The following FBXO38 variants were observed in gnomAD, a reference collection of about 807,000 sequenced individuals.
FBXO38 encodes the protein F-box only protein 38.
A neutral mutation model predicts 131.9 loss-of-function variants in FBXO38; 53 were observed. The ratio of observed to expected loss-of-function variants is 0.40; its 90% CI spans 0.32 to 0.51. FBXO38 has a LOEUF of 0.51. Among genes scored for constraint, FBXO38 ranks in the 20% least tolerant of loss-of-function variants. The pLI, the probability that FBXO38 is intolerant of heterozygous loss-of-function variation, is 0.53. For missense variants in FBXO38, 1,076 were observed against 1,475.6 expected (o/e 0.73, Z 4.44); for synonymous variants, 452 against 505.6 (o/e 0.89, Z 1.42).
chr5:148,406,500 T>C, intron 7 of FBXO38, 106 bp downstream of exon 7: 1 of 851,810 alleles, frequency 1.2e-6, no homozygotes, highest in Non-Finnish European at 1.7e-6. Flanking sequence ...AAAATGCTCG[T>C]CAGTAACTGC....
At chr5:148,402,168 T>G (rs1214180734) in intron 4 of FBXO38, 23 bp downstream of exon 4, 6 of 1,594,538 alleles carry the variant, frequency 3.8e-6, no homozygotes, top group African/African-American at 1.3e-5. Flanking sequence ...GGTTGAACAT[T>G]TTGGCATCAA....
At chr5:148,399,686 G>T (rs1263222038) in intron 3 of FBXO38, 1 of 152,150 alleles carries the variant, frequency 6.6e-6, no homozygotes, top group East Asian at 1.9e-4. Context: ...ATTGTTCCCA[G>T]TTGAAGAGAC....
chr5:148,415,770 A>G (rs1303096784), intron 10 of FBXO38, among the ~76,000 whole-genome samples, 158 bp from the exon 11 acceptor site: 2 of 152,190 alleles, frequency 1.3e-5, no homozygotes, highest in African/African-American at 4.8e-5. Context: ...GTATGTAAAC[A>G]TCATAATTTA....
At chr5:148,423,838 C>A in intron 12 of FBXO38, 160 bp from the exon 13 acceptor site, 1 of 544,090 alleles carries the variant, frequency 1.8e-6, no homozygotes, top group South Asian at 2.4e-5. Context: ...TTCTTAATAT[C>A]TGCAGTAACA....
intron 12 of FBXO38, 89 bp downstream of exon 12, chr5:148,417,293 T>G: frequency 1.1e-6 from 1 of 929,724 alleles, no homozygotes; most frequent in South Asian, 1.4e-5. Flanking sequence ...TTTTCCCCTG[T>G]TTCAACTTGT....
chr5:148,422,359 T>G (rs1385073562), intron 12 of FBXO38, among the ~76,000 whole-genome samples: 2 of 152,144 alleles, frequency 1.3e-5, no homozygotes, highest in Admixed American at 1.3e-4. Context: ...ATTCCCTCCT[T>G]CCATGTTTTC....
At position 148,414,320 on chromosome 5, in the gene FBXO38, A is replaced by C; in HGVS notation, c.1264+14A>C. 1 of 1,569,468 alleles carries C rather than the reference A, an allele frequency of 6.4e-7. No individual in the cohort carries two copies. Among genetic ancestry groups the C allele is most frequent in the Non-Finnish European group, 8.6e-7 (1 of 1,158,396 alleles). ...ATTGGATCTCAGGTATTACAGACTT[A>C]AAAATACAGCTATGTTTTATTGATA... On this transcript the variant is annotated intron_variant, in intron 10 of 21. Coordinates refer to ENST00000340253, the MANE Select transcript of FBXO38 (RefSeq NM_205836.3).
chr5:148,435,652 C>G (rs1421615435), intron 17 of FBXO38, among the ~76,000 whole-genome samples: 2 of 152,132 alleles, frequency 1.3e-5, no homozygotes, highest in African/African-American at 4.8e-5. Flanking sequence ...TGCCTGTAGT[C>G]CCAGCTACTA....
chr5:148,427,090 C>A, intron 14 of FBXO38, 123 bp from the exon 15 acceptor site: 5 of 1,149,676 alleles, frequency 4.3e-6, no homozygotes, highest in Non-Finnish European at 6.1e-6. Flanking sequence ...CACAGTTATA[C>A]TTTAGGAAAA....
Position 148,427,367 on chromosome 5 carries a change from T to G in FBXO38, c.2073T>G (p.Ile691Met). The G allele has an allele frequency of 6.2e-7, 1 of 1,613,996 alleles. No homozygotes were observed. The highest frequency in any genetic ancestry group is 8.5e-7 in the Non-Finnish European group (1 of 1,180,006). Reference protein sequence around the residue: ...IKADMKAARDIPEKKKNKDVY... With the variant: ...IKADMKAARDMPEKKKNKDVY... ...CCGATATGAAAGCAGCTAGGGATAT[T>G]CCTGAAAAGAAAAAAAACAAGGATG... Residue 691 changes from isoleucine to methionine, a missense_variant, in exon 15 of 22, where the codon ATT (isoleucine) becomes ATG (methionine). By Grantham distance (10) the Ile-to-Met change is conservative. Around this residue, in one of 8 missense-constraint regions of FBXO38, gnomAD observed 213 missense variants for 225.2 expected, o/e 0.95. Transcript: ENST00000340253.
rs1165692643 is a variant in FBXO38 at position 148,384,035 on chromosome 5, C to G, written c.-68C>G. On this transcript the variant is annotated 5_prime_UTR_variant, in exon 1 of 22. Coordinates refer to ENST00000340253, the MANE Select transcript of FBXO38 (RefSeq NM_205836.3). ...ACCACAATAACAGGCGGAGGGTCGGCGTAGGTGAGGCGGCGGCTGAGTGGG... is the reference window on the plus strand; with the variant it reads ...ACCACAATAACAGGCGGAGGGTCGGGGTAGGTGAGGCGGCGGCTGAGTGGG... The G allele has an allele frequency of 6.5e-6, 1 of 153,034 alleles. No individual in the cohort carries two copies. Among genetic ancestry groups the G allele is most frequent in the African/African-American group, 2.4e-5 (1 of 41,442 alleles). The allele number at this position is 153,034 out of a possible 1,614,324, so 9.5% of individuals were successfully genotyped here.
At chr5:148,428,848 A>G (rs1356202142) in intron 15 of FBXO38, among the ~76,000 whole-genome samples, 3 of 152,368 alleles carry the variant, frequency 2.0e-5, no homozygotes, top group South Asian at 2.1e-4. Flanking sequence ...ATAGTTGCAT[A>G]AACTCATTGA....
Position 148,438,404 on chromosome 5 carries a change from A to G in FBXO38, c.2930A>G (p.Gln977Arg), listed in dbSNP as rs1275569996. The change falls in exon 18 of 22, where the codon CAG becomes CGG. Residue 977 changes from glutamine to arginine, a missense_variant. Gln to Arg is a conservative substitution (Grantham distance 43). This residue lies in a region of FBXO38 where 282 missense variants were observed against 418.8 expected (regional missense o/e 0.67). Coordinates refer to ENST00000340253, the MANE Select transcript of FBXO38 (RefSeq NM_205836.3). ...ATTGTAAACCGATTTGACTATGCAC[A>G]GTGCAAGAAACTGAACATGGATCAG... ...APIVNRFDYAQCKKLNMDQVL... is the reference protein window; with the variant it reads ...APIVNRFDYARCKKLNMDQVL... The G allele has an allele frequency of 6.2e-7, 1 of 1,614,008 alleles. No individual in the cohort carries two copies. Among genetic ancestry groups the G allele is most frequent in the African/African-American group, 1.3e-5 (1 of 74,948 alleles).
chr5:148,417,341 A>T (rs906872207), intron 12 of FBXO38, 137 bp downstream of exon 12: 2 of 674,654 alleles, frequency 3.0e-6, no homozygotes, highest in Admixed American at 2.6e-5. Flanking sequence ...GATAAGGAAC[A>T]TGAGGGAGTA....
In FBXO38 at chr5:148,425,704, G is replaced by T. The variant is rs758236031; in HGVS notation, c.1918+3G>T. 3.1e-6 allele frequency: 5 copies of T among 1,611,734 alleles called. No individual in the cohort carries two copies. The African/African-American group carries it at 6.7e-5, about 22-fold the overall frequency. On this transcript the variant is annotated splice_donor_region_variant and intron_variant, in intron 14 of 21. Coordinates refer to ENST00000340253, the MANE Select transcript of FBXO38 (RefSeq NM_205836.3). ...AGTGCAGTCCAGAGAATTGTCAGGT[G>T]AGAAATTGTCTTTCTCTGAACTATT...
chr5:148,387,817 A>G (rs551301722), intron 1 of FBXO38, among the ~76,000 whole-genome samples: 1 of 146,642 alleles, frequency 6.8e-6, no homozygotes, highest in South Asian at 2.1e-4. Flanking sequence ...TCAGCCTCCC[A>G]GGTGGCTGGG....
In FBXO38 at chr5:148,441,203, C is replaced by T. The variant is rs147580008; in HGVS notation, c.3354C>T (p.Ser1118=). ...LRSLRAAEPN[S]FARYDFEDDE... is the part of the protein sequence containing the mutation. ...CATTACGAGCTGCAGAGCCCAACAG[C>T]TTCGCTCGATACGACTTTGAAGACG... is the stretch of plus-strand genomic sequence containing the variant. The change falls in exon 21 of 22, where the codon AGC becomes AGT. Residue 1118 remains serine (S), a synonymous_variant. Coordinates refer to ENST00000340253, the MANE Select transcript of FBXO38 (RefSeq NM_205836.3). 4 of 1,613,540 alleles carry T rather than the reference C, an allele frequency of 2.5e-6. No individual in the cohort carries two copies. In the African/African-American group the frequency reaches 5.3e-5, roughly 22 times the overall value.
intron 1 of FBXO38, among the ~76,000 whole-genome samples, chr5:148,392,733 G>A (rs1399715239): frequency 6.6e-6 from 1 of 151,926 alleles, no homozygotes; most frequent in East Asian, 1.9e-4. Flanking sequence ...GACAAGAATC[G>A]AGAATATCAC....
intron 11 of FBXO38, among the ~76,000 whole-genome samples, chr5:148,416,293 T>C (rs982816925): frequency 6.6e-6 from 1 of 151,898 alleles, no homozygotes; most frequent in Non-Finnish European, 1.5e-5. Flanking sequence ...AAGGAAAAAA[T>C]AAGTGGAAGC....
Sources: allele counts gnomAD v4.1 joint callset (sites outside exome capture counted in the v4.1 genomes callset), GRCh38; gene constraint gnomAD v4.1.1; regional missense constraint gnomAD v4.1.1; transcripts MANE v1.5; gene names NCBI Gene and HGNC (gene_info 2026-07-23, HGNC 2026-07-21).